Variants in NELL1 observed in about 807,000 individuals in gnomAD.
NELL1 encodes the protein protein kinase C-binding protein NELL1.
In NELL1, 76 loss-of-function variants were observed where a neutral mutation model predicts 107.4. The observed-to-expected ratio is 0.71, with a 90% confidence interval of 0.59 to 0.86. The LOEUF is 0.86. NELL1 is among the 40% of genes least tolerant of loss of function. The pLI is 0.00. For missense variants in NELL1, 1,024 were observed against 1,005.5 expected, an observed-to-expected ratio of 1.02 and a Z score of -0.25; for synonymous variants, 353 against 341.2, an observed-to-expected ratio of 1.03 and a Z score of -0.38.
At chr11:20,742,512 A>G (rs1448871904) in intron 2 of NELL1, among the ~76,000 whole-genome samples, 2 of 152,188 alleles carry the variant, frequency 1.3e-5, no homozygotes, top group Non-Finnish European at 2.9e-5. Flanking sequence ...GGTAATTTAT[A>G]AAGAAAAGAT....
intron 14 of NELL1, among the ~76,000 whole-genome samples, chr11:21,325,552 T>C (rs1850112210): frequency 6.9e-6 from 1 of 145,434 alleles, no homozygotes; most frequent in African/African-American, 2.5e-5. Context: ...TCATTGCTAA[T>C]AAGATTGATT....
At chr11:20,771,247 G>C (rs1856633984) in intron 2 of NELL1, among the ~76,000 whole-genome samples, 1 of 152,066 alleles carries the variant, frequency 6.6e-6, no homozygotes, top group Non-Finnish European at 1.5e-5. Context: ...TCCATCTGAG[G>C]TAATGCTGCC....
chr11:21,325,335 T>C (rs1850106957), intron 14 of NELL1, among the ~76,000 whole-genome samples: 2 of 152,088 alleles, frequency 1.3e-5, no homozygotes. Flanking sequence ...ATTTTTTACC[T>C]TAAGCTTTGT....
intron 14 of NELL1, among the ~76,000 whole-genome samples, chr11:21,359,422 T>C (rs1382284105): frequency 6.6e-6 from 1 of 152,214 alleles, no homozygotes; most frequent in Non-Finnish European, 1.5e-5. Context: ...TTATTGAAGA[T>C]GTATGCATCT....
intron 12 of NELL1, among the ~76,000 whole-genome samples, chr11:21,018,917 G>A (rs904352249): frequency 6.6e-6 from 1 of 152,042 alleles, no homozygotes; most frequent in Non-Finnish European, 1.5e-5. Context: ...TTCATTTTAA[G>A]TATTCCTAAT....
chr11:20,796,742 T>C (rs1184061580), intron 3 of NELL1, among the ~76,000 whole-genome samples: 2 of 152,142 alleles, frequency 1.3e-5, no homozygotes, highest in Non-Finnish European at 2.9e-5. Flanking sequence ...TGGGCTACAA[T>C]TGTGAGACAT....
At chr11:21,290,242 G>T (rs1401451535) in intron 14 of NELL1, among the ~76,000 whole-genome samples, 3 of 151,960 alleles carry the variant, frequency 2.0e-5, no homozygotes, top group Non-Finnish European at 2.9e-5. Context: ...GGTGGTGGGT[G>T]CCTGTAGTCC....
At chr11:21,393,496 G>A (rs1044860163) in intron 15 of NELL1, among the ~76,000 whole-genome samples, 2 of 151,734 alleles carry the variant, frequency 1.3e-5, no homozygotes, top group African/African-American at 4.8e-5. Context: ...AATTTATTTA[G>A]ATAAGAGCAA....
At chr11:21,121,654 A>G (rs1414345205) in intron 13 of NELL1, among the ~76,000 whole-genome samples, 1 of 152,166 alleles carries the variant, frequency 6.6e-6, no homozygotes, top group Admixed American at 6.5e-5. Context: ...ATCTCAGAAG[A>G]ATAGGAGCTC....
At chr11:21,111,770 G>A (rs1855113366) in intron 12 of NELL1, among the ~76,000 whole-genome samples, 1 of 152,032 alleles carries the variant, frequency 6.6e-6, no homozygotes. Flanking sequence ...AAAGGATGGG[G>A]AAATACAATT....
chr11:20,850,144 C>T (rs1451082463), intron 4 of NELL1, among the ~76,000 whole-genome samples: 1 of 152,188 alleles, frequency 6.6e-6, no homozygotes, highest in Admixed American at 6.5e-5. Flanking sequence ...ATGCACGAAA[C>T]AAACTTTACC....
At chr11:21,137,394 C>T (rs1855767432) in intron 13 of NELL1, among the ~76,000 whole-genome samples, 2 of 152,152 alleles carry the variant, frequency 1.3e-5, no homozygotes, top group Non-Finnish European at 2.9e-5. Context: ...GAGGATCATA[C>T]AGGCTCAGGA....
At chr11:21,573,492 A>C (rs748845625) in intron 19 of NELL1, 83 bp downstream of exon 19, 15 of 1,177,332 alleles carry the variant, frequency 1.3e-5, no homozygotes, top group Non-Finnish European at 1.8e-5. Flanking sequence ...ATGTTTCTGA[A>C]TACACAGGTT....
rs917721844 is a variant in NELL1 at position 21,531,450 on chromosome 11, C to G, written c.1646-2924C>G. Among the ~76,000 whole-genome samples, 3 of 152,212 alleles carry G rather than the reference C, an allele frequency of 2.0e-5. 1 individual carries two copies. In the South Asian group the frequency reaches 6.2e-4, roughly 32 times the overall value. ...CATTTGTAAGCTGTGTGACCCAGGC[C>G]ATATGTTAGTTATTGTGTTGTCGAC... is the stretch of plus-strand genomic sequence containing the variant. On this transcript the variant is annotated intron_variant, in intron 15 of 19. Transcript: ENST00000357134.
chr11:20,692,804 G>A (rs1364707598), intron 2 of NELL1, among the ~76,000 whole-genome samples: 7 of 152,102 alleles, frequency 4.6e-5, no homozygotes, highest in Admixed American at 1.3e-4. Context: ...TATTAGGTCC[G>A]CTTAGTGCAG....
chr11:20,926,784 G>A (rs12270126), intron 7 of NELL1, among the ~76,000 whole-genome samples: 4,799 of 152,186 alleles, frequency 0.032, 196 homozygotes, highest in East Asian at 0.13. Context: ...TCTGTTTGGG[G>A]GATCCGCTTA....
intron 15 of NELL1, among the ~76,000 whole-genome samples, chr11:21,472,568 C>T (rs552999197): frequency 7.2e-5 from 11 of 151,974 alleles, no homozygotes; most frequent in Non-Finnish European, 1.0e-4. Flanking sequence ...CTTGTTATCT[C>T]ATTATGCTGA....
chr11:21,468,598 C>CAA (rs1306991151), intron 15 of NELL1, among the ~76,000 whole-genome samples: 1 of 151,830 alleles, frequency 6.6e-6, no homozygotes, highest in East Asian at 1.9e-4. Context: ...ATTTCAATAA[C>CAA]AAGTTATTAT....
At chr11:21,005,666 A>ATTTT (rs1852313360) in intron 12 of NELL1, among the ~76,000 whole-genome samples, 1 of 152,166 alleles carries the variant, frequency 6.6e-6, no homozygotes, top group Non-Finnish European at 1.5e-5. Flanking sequence ...AAGCTTTCTG[A>ATTTT]TGTCTCATTA....
Sources: gnomAD v4.1 joint callset for allele counts (sites outside exome capture counted in the v4.1 genomes callset) on GRCh38, gnomAD v4.1.1 for gene constraint, MANE v1.5 for transcripts, NCBI Gene and HGNC (gene_info 2026-07-23, HGNC 2026-07-21) for gene names.